The following PTCHD4 variants were observed in gnomAD, a reference collection of about 807,000 sequenced individuals.
The protein encoded by PTCHD4 is patched domain-containing protein 4.
A neutral mutation model predicts 58.1 loss-of-function variants in PTCHD4; 33 were observed. That is an observed-to-expected ratio of 0.57 (90% CI 0.43 to 0.76). The LOEUF (loss-of-function observed/expected upper bound fraction) is 0.76. Ranked by LOEUF, PTCHD4 falls within the 30% of genes least tolerant of loss-of-function variation. The pLI, the probability that PTCHD4 is intolerant of heterozygous loss-of-function variation, is 0.00. For synonymous variants in PTCHD4, 478 were observed against 409.6 expected (o/e 1.17, Z -2.02); for missense variants, 1,058 against 1,027.1 (o/e 1.03, Z -0.41).
At chr6:47,933,448 G>A (rs1765891682) in intron 4 of PTCHD4, among the ~76,000 whole-genome samples, 1 of 152,186 alleles carries the variant, frequency 6.6e-6, no homozygotes, top group Non-Finnish European at 1.5e-5. Flanking sequence ...GAGCTTGGCT[G>A]AAATCATTTT....
chr6:48,006,882 A>G (rs1440387558), intron 4 of PTCHD4, among the ~76,000 whole-genome samples: 1 of 152,174 alleles, frequency 6.6e-6, no homozygotes, highest in East Asian at 1.9e-4. Context: ...CATTTTTCAA[A>G]CCTAGTTTTT....
At chr6:48,058,693 A>G (rs1487137910) in intron 3 of PTCHD4, among the ~76,000 whole-genome samples, 1 of 152,246 alleles carries the variant, frequency 6.6e-6, no homozygotes, top group African/African-American at 2.4e-5. Context: ...GGCTAGCTCT[A>G]TTTAGAATAT....
chr6:47,939,419 A>G (rs1198037404), intron 4 of PTCHD4, among the ~76,000 whole-genome samples: 2 of 152,074 alleles, frequency 1.3e-5, no homozygotes, highest in African/African-American at 4.8e-5. Context: ...TACGGGAGAG[A>G]GGGACACTGA....
chr6:47,978,016 TC>T (rs1767758547), intron 4 of PTCHD4, among the ~76,000 whole-genome samples: 1 of 152,178 alleles, frequency 6.6e-6, no homozygotes, highest in Non-Finnish European at 1.5e-5. Flanking sequence ...CTCTAGTCGT[TC>T]CTTAAGTAAT....
At position 47,936,345 on chromosome 6, in the gene PTCHD4, T is replaced by G. The variant is rs148609682; in HGVS notation, c.899-56409A>C. Among the ~76,000 whole-genome samples the G allele has an allele frequency of 9.4e-3, 1,427 of 152,282 alleles. 9 individuals are homozygous for G. The highest frequency in any genetic ancestry group is 0.011 in the Non-Finnish European group (769 of 68,018). ...ACACCCCCTGGATAATTAGGAAGAGTGCTTTCTTTCACTCTAAAAAGTGTT... is the reference window on the plus strand; with the variant it reads ...ACACCCCCTGGATAATTAGGAAGAGGGCTTTCTTTCACTCTAAAAAGTGTT... On this transcript the variant is annotated intron_variant, in intron 4 of 4. Transcript: ENST00000339488.
Position 47,871,146 on chromosome 6 carries a change from A to G in PTCHD4, c.*7157T>C, listed in dbSNP as rs902530974. On this transcript the variant is annotated 3_prime_UTR_variant, in exon 5 of 5. Coordinates refer to ENST00000339488, the MANE Select transcript of PTCHD4 (RefSeq NM_001384253.1). ...TTACTCTCATTTCTACAATTTGTCT[A>G]TGCATGGGTGAAGACTGTTTCTCCC... Among the ~76,000 whole-genome samples, 9 of 151,730 alleles carry G rather than the reference A, an allele frequency of 5.9e-5. No homozygotes were observed. Among genetic ancestry groups the G allele is most frequent in the Admixed American group, 1.3e-4 (2 of 15,186 alleles).
intron 4 of PTCHD4, among the ~76,000 whole-genome samples, chr6:48,001,825 C>T (rs1039543338): frequency 3.3e-5 from 5 of 152,192 alleles, no homozygotes; most frequent in African/African-American, 9.7e-5. Context: ...AACAGGCAAC[C>T]TACAGAATGG....
chr6:48,076,014 C>G (rs1765059123), intron 1 of PTCHD4, among the ~76,000 whole-genome samples: 1 of 152,232 alleles, frequency 6.6e-6, no homozygotes, highest in Non-Finnish European at 1.5e-5. Flanking sequence ...TGCGGAACTT[C>G]TTTCAAGATT....
intron 4 of PTCHD4, among the ~76,000 whole-genome samples, chr6:47,957,438 C>G (rs16876871): frequency 1.1e-4 from 17 of 150,638 alleles, no homozygotes; most frequent in Non-Finnish European, 2.5e-4. Context: ...ATTTCTGTTA[C>G]GAATTTTCAG....
intron 3 of PTCHD4, among the ~76,000 whole-genome samples, chr6:48,021,287 T>C (rs145136333): frequency 2.0e-5 from 3 of 152,228 alleles, no homozygotes; most frequent in Non-Finnish European, 4.4e-5. Context: ...GCAACAGATT[T>C]CTGGCTGCTA....
In PTCHD4 at chr6:48,009,123, C is replaced by G. The variant is rs762462852; in HGVS notation, c.418-9G>C. 8.8e-6 allele frequency: 14 copies of G among 1,587,504 alleles called. No individual in the cohort carries two copies. Among genetic ancestry groups the G allele is most frequent in the Non-Finnish European group, 1.2e-5 (14 of 1,167,888 alleles). On this transcript the variant is annotated splice_polypyrimidine_tract_variant and intron_variant, in intron 3 of 4. Transcript: ENST00000339488. ...AAACTGTTCCTCCCATCCTTGAAAACAGAAAAAGAAGAGACTTCAGTTACG... is the reference window on the plus strand; with the variant it reads ...AAACTGTTCCTCCCATCCTTGAAAAGAGAAAAAGAAGAGACTTCAGTTACG...
At chr6:48,016,142 C>T (rs1762861097) in intron 3 of PTCHD4, among the ~76,000 whole-genome samples, 1 of 151,876 alleles carries the variant, frequency 6.6e-6, no homozygotes, top group Non-Finnish European at 1.5e-5. Context: ...AGCTAGTCAA[C>T]AGACAGGGGG....
intron 4 of PTCHD4, among the ~76,000 whole-genome samples, chr6:47,985,935 C>A (rs1422531079): frequency 6.6e-6 from 1 of 151,594 alleles, no homozygotes; most frequent in African/African-American, 2.4e-5. Context: ...AAAATTTCAG[C>A]CTATATTGAA....
intron 4 of PTCHD4, among the ~76,000 whole-genome samples, chr6:47,913,296 G>C (rs888230314): frequency 1.2e-4 from 19 of 152,068 alleles, no homozygotes; most frequent in Admixed American, 1.2e-3. Context: ...ATAAAATGAG[G>C]TTTGCGAAAT....
At chr6:48,094,912 A>G (rs1426902279) in intron 1 of PTCHD4, among the ~76,000 whole-genome samples, 2 of 152,242 alleles carry the variant, frequency 1.3e-5, no homozygotes, top group African/African-American at 2.4e-5. Context: ...ATAAGAGTAC[A>G]TACTGTATGA....
intron 3 of PTCHD4, among the ~76,000 whole-genome samples, chr6:48,027,917 G>C (rs1763301667): frequency 6.6e-6 from 1 of 151,936 alleles, no homozygotes; most frequent in African/African-American, 2.4e-5. Flanking sequence ...AGCAGGCAAG[G>C]AAACCAGGAT....
At chr6:47,882,917 T>A (rs1430829532) in intron 4 of PTCHD4, among the ~76,000 whole-genome samples, 2 of 151,508 alleles carry the variant, frequency 1.3e-5, no homozygotes, top group African/African-American at 2.4e-5. Context: ...ACTTTTATAC[T>A]CTGCAGGACA....
intron 4 of PTCHD4, chr6:47,901,755 T>C (rs969819762): frequency 1.9e-5 from 23 of 1,225,930 alleles, no homozygotes; most frequent in South Asian, 5.9e-5. Flanking sequence ...TCTGATGGTA[T>C]TGGTGGTGAT....
At chr6:47,890,412 C>T (rs1473763924) in intron 4 of PTCHD4, among the ~76,000 whole-genome samples, 1 of 152,052 alleles carries the variant, frequency 6.6e-6, no homozygotes, top group Non-Finnish European at 1.5e-5. Context: ...GTTTAAATCC[C>T]ATATCTCCTA....
Sources: gnomAD v4.1 joint callset for allele counts (sites outside exome capture counted in the v4.1 genomes callset) on GRCh38, gnomAD v4.1.1 for gene constraint, MANE v1.5 for transcripts, NCBI Gene and HGNC (gene_info 2026-07-23, HGNC 2026-07-21) for gene names.